The following MYT1 variants were observed in gnomAD, a reference collection of about 807,000 sequenced individuals.
MYT1 encodes the protein myelin transcription factor I.
MYT1 carries 23 observed loss-of-function variants against 123.0 expected under a neutral mutation model. The ratio of observed to expected loss-of-function variants is 0.19; its 90% CI spans 0.13 to 0.26. The LOEUF is 0.26. Ranked by LOEUF, MYT1 falls within the 10% of genes least tolerant of loss-of-function variation. The pLI is 1.00. For synonymous variants in MYT1, 518 were observed against 575.3 expected, an observed-to-expected ratio of 0.90 and a Z score of 1.43; for missense variants, 1,125 against 1,472.5, an observed-to-expected ratio of 0.76 and a Z score of 3.86.
rs1982934721 is a variant in MYT1, at chr20:64,190,519, CA to C, written c.-1+364del. On this transcript the variant is annotated intron_variant, in intron 2 of 22. Coordinates refer to ENST00000328439, the MANE Select transcript of MYT1 (RefSeq NM_004535.3). This position sits in a 1 kb window ranked among gnomAD's most constrained non-coding sequence, Gnocchi z 4.1. ...TGAAACCCCGTCTTTACTAAAAACA[CA>C]AAAATTAGCCGGGCATGGTGGCATG... is the stretch of plus-strand genomic sequence containing the variant. Among the ~76,000 whole-genome samples, 1 of 149,602 alleles carries C rather than the reference CA, an allele frequency of 6.7e-6. No homozygotes were observed. The highest frequency in any genetic ancestry group is 1.5e-5 in the Non-Finnish European group (1 of 67,632).
At position 64,167,282 on chromosome 20, in the gene MYT1, T is replaced by C. The variant is rs1302302298; in HGVS notation, c.-99+2543T>C. 6.6e-6 allele frequency among the ~76,000 whole-genome samples: 1 copy of C among 151,972 alleles called. No individual in the cohort carries two copies. The highest frequency in any genetic ancestry group is 1.5e-5 in the Non-Finnish European group (1 of 67,980). ...TGCTCGGTGGCAGTGGGCGGGCTGG[T>C]GGGGGCTGAGCTCTTCCTGGACGGA... On this transcript the variant is annotated intron_variant, in intron 1 of 22. Transcript: ENST00000328439. The surrounding 1 kb of genome is among the most constrained non-coding windows in gnomAD (Gnocchi z 6.3).
chr20:64,231,626 C>T lies in MYT1; in HGVS notation c.2676-538C>T, dbSNP rs1449125818. 1.3e-5 allele frequency among the ~76,000 whole-genome samples: 2 copies of T among 152,224 alleles called. No individual in the cohort carries two copies. The highest frequency in any genetic ancestry group is 1.9e-4 in the East Asian group (1 of 5,192). Reference sequence around the variant, plus strand: ...GCTGCAACATCTATGGGCATTGCCCCCTGATTGCACTGGCCTCAGTCTGGG... The same window carrying T: ...GCTGCAACATCTATGGGCATTGCCCTCTGATTGCACTGGCCTCAGTCTGGG... On this transcript the variant is annotated intron_variant, in intron 18 of 22. Coordinates refer to ENST00000328439, the MANE Select transcript of MYT1 (RefSeq NM_004535.3). The surrounding 1 kb of genome is among the most constrained non-coding windows in gnomAD (Gnocchi z 6.4).
intron 1 of MYT1, among the ~76,000 whole-genome samples, chr20:64,180,263 T>G (rs530538347): frequency 6.6e-6 from 1 of 152,328 alleles, no homozygotes; most frequent in East Asian, 1.9e-4. Context: ...TAGGTCTGTA[T>G]TTACTTCTCC....
chr20:64,166,415 G>T lies in MYT1; in HGVS notation c.-99+1676G>T, dbSNP rs1040050785. Among the ~76,000 whole-genome samples, 1 of 152,160 alleles carries T rather than the reference G, an allele frequency of 6.6e-6. No individual in the cohort carries two copies. The highest frequency in any genetic ancestry group is 1.9e-4 in the East Asian group (1 of 5,180). ...TGGACGTTTGCCGAACTTCCCAGGG[G>T]TACTTGCTGATCCAGGAGCTTGAGC... On this transcript the variant is annotated intron_variant, in intron 1 of 22. Coordinates refer to ENST00000328439, the MANE Select transcript of MYT1 (RefSeq NM_004535.3). The surrounding 1 kb of genome is among the most constrained non-coding windows in gnomAD (Gnocchi z 4.9).
chr20:64,204,295 GAAC>G (rs1231595288), intron 4 of MYT1, among the ~76,000 whole-genome samples: 2 of 152,190 alleles, frequency 1.3e-5, no homozygotes, highest in Non-Finnish European at 2.9e-5. Flanking sequence ...TAAGGAAGAG[GAAC>G]TCCTGGGTGT....
intron 1 of MYT1, among the ~76,000 whole-genome samples, chr20:64,176,234 C>T (rs1191602381): frequency 7.3e-5 from 3 of 41,208 alleles, no homozygotes; most frequent in Non-Finnish European, 9.6e-5. Flanking sequence ...TCTCCTCCTG[C>T]AGCATCTTTC....
chr20:64,208,031 G>T lies in MYT1; in HGVS notation c.835G>T (p.Glu279Ter). 6.2e-7 allele frequency: 1 copy of T among 1,601,296 alleles called. No homozygotes were observed. Among genetic ancestry groups the T allele is most frequent in the Non-Finnish European group, 8.5e-7 (1 of 1,174,348 alleles). Reference sequence around the variant, plus strand: ...GGAGGAGGAGGATGAAGAAGAGGAAGAGGAAGAGGAGGAGGAAGAGGAAGA... The same window carrying T: ...GGAGGAGGAGGATGAAGAAGAGGAATAGGAAGAGGAGGAGGAAGAGGAAGA... ...EEEEEDEEEE[E>*]EEEEEEEEEE... Residue 279 changes from glutamate to a stop codon, truncating the protein, a stop_gained, in exon 7 of 23, where the codon GAG (glutamate) becomes TAG (stop). Transcript: ENST00000328439. LOFTEE classifies it high-confidence loss of function. The surrounding 1 kb of genome is among the most constrained non-coding windows in gnomAD (Gnocchi z 5.4).
intron 1 of MYT1, among the ~76,000 whole-genome samples, chr20:64,183,048 C>T (rs1367350849): frequency 6.6e-6 from 1 of 152,222 alleles, no homozygotes; most frequent in African/African-American, 2.4e-5. Context: ...TCTCCATTTT[C>T]TCCTCCACCA....
intron 1 of MYT1, among the ~76,000 whole-genome samples, chr20:64,173,030 C>T (rs1198314511): frequency 6.6e-6 from 1 of 152,116 alleles, no homozygotes; most frequent in Non-Finnish European, 1.5e-5. Context: ...TTCCTGGCCT[C>T]ATACCCTCTT....
rs1219544322 is a variant in MYT1, at chr20:64,203,188, A to G, written c.87-1847A>G. On this transcript the variant is annotated intron_variant, in intron 4 of 22. Transcript: ENST00000328439. This position sits in a 1 kb window ranked among gnomAD's most constrained non-coding sequence, Gnocchi z 5.1. The stretch of plus-strand genomic sequence containing the variant: ...AAGGTGCAGGCCCACCTTCCTGGGG[A>G]CCAGGACTCTTCTGAGCTGAGGGTG... Among the ~76,000 whole-genome samples the G allele has an allele frequency of 6.6e-6, 1 of 152,076 alleles. No homozygotes were observed. Among genetic ancestry groups the G allele is most frequent in the African/African-American group, 2.4e-5 (1 of 41,422 alleles).
At chr20:64,237,043 C>T (rs1246589225) in intron 20 of MYT1, among the ~76,000 whole-genome samples, 1 of 152,192 alleles carries the variant, frequency 6.6e-6, no homozygotes, top group East Asian at 1.9e-4. Context: ...GAGATTTAAG[C>T]CTTTCCACCT....
chr20:64,198,968 G>A (rs373557692), intron 3 of MYT1, 52 bp downstream of exon 3: 25 of 1,596,838 alleles, frequency 1.6e-5, no homozygotes, highest in Admixed American at 3.3e-5. Flanking sequence ...TTTCCTCCGC[G>A]GTCTTCCTCA....
At chr20:64,225,425 C>G (rs1810581) in intron 16 of MYT1, among the ~76,000 whole-genome samples, 42,342 of 152,166 alleles carry the variant, frequency 0.28, 6,920 homozygotes, top group East Asian at 0.81. Context: ...CTCTTCCCTC[C>G]CATGTGTCTG....
intron 3 of MYT1, 145 bp downstream of exon 3, chr20:64,199,061 C>G: frequency 4.7e-6 from 4 of 846,230 alleles, no homozygotes; most frequent in Non-Finnish European, 5.4e-6. Flanking sequence ...CTCAGGGCTG[C>G]TGAGCTTTGA....
At chr20:64,210,546 T>C (rs6062664) in intron 7 of MYT1, among the ~76,000 whole-genome samples, 20,152 of 152,212 alleles carry the variant, frequency 0.13, 1,389 homozygotes, top group South Asian at 0.17. Context: ...GGGACCCTCC[T>C]GCTCTGAGGT....
At position 64,194,751 on chromosome 20, in the gene MYT1, TG is replaced by T. The variant is rs1245726901; in HGVS notation, c.1-4106del. 8.5e-5 allele frequency among the ~76,000 whole-genome samples: 13 copies of T among 152,246 alleles called. No individual in the cohort carries two copies. In the South Asian group the frequency reaches 2.5e-3, roughly 29 times the overall value. On this transcript the variant is annotated intron_variant, in intron 2 of 22. Coordinates refer to ENST00000328439, the MANE Select transcript of MYT1 (RefSeq NM_004535.3). ...GGAAGGAGTGGGGAGACGCAGCCTC[TG>T]GGGGCAAAGGTGGAAGTTGGCACAA...
In MYT1 at chr20:64,168,533, C is replaced by G. The variant is rs1188876489; in HGVS notation, c.-99+3794C>G. 6.6e-6 allele frequency among the ~76,000 whole-genome samples: 1 copy of G among 152,216 alleles called. No homozygotes were observed. The highest frequency in any genetic ancestry group is 1.5e-5 in the Non-Finnish European group (1 of 68,044). On this transcript the variant is annotated intron_variant, in intron 1 of 22. Coordinates refer to ENST00000328439, the MANE Select transcript of MYT1 (RefSeq NM_004535.3). This position sits in a 1 kb window ranked among gnomAD's most constrained non-coding sequence, Gnocchi z 6.1. ...CCTTGGCCAGGATTGGAGTCCAGGC[C>G]TTGCAGAGGAGAGAGGATGTCGACA... is the stretch of plus-strand genomic sequence containing the variant.
rs1983571354 is a variant in MYT1 at position 64,208,554 on chromosome 20, C to T, written c.1291+67C>T. 2.6e-6 allele frequency: 4 copies of T among 1,511,490 alleles called. No individual in the cohort carries two copies. Among genetic ancestry groups the T allele is most frequent in the African/African-American group, 2.8e-5 (2 of 72,058 alleles). 93.6% of individuals were successfully genotyped at this position (1,511,490 alleles called of 1,614,324 possible). On this transcript the variant is annotated intron_variant, in intron 7 of 22. Transcript: ENST00000328439. This position sits in a 1 kb window ranked among gnomAD's most constrained non-coding sequence, Gnocchi z 5.4. ...CACCCCTGCCCCAGGTGTGCAGATG[C>T]AGGCTGAGAGCCCTTCTAGGACAGG...
At chr20:64,206,769 C>T (rs1260250589) in intron 6 of MYT1, among the ~76,000 whole-genome samples, 1 of 152,238 alleles carries the variant, frequency 6.6e-6, no homozygotes, top group Admixed American at 6.5e-5. Flanking sequence ...GTTCAGCTGT[C>T]AACCTGGGCT....
Sources: gnomAD v4.1 joint callset for allele counts (sites outside exome capture counted in the v4.1 genomes callset) on GRCh38, gnomAD v4.1.1 for gene constraint, Gnocchi (gnomAD v3.1) non-coding constraint, MANE v1.5 for transcripts, NCBI Gene and HGNC (gene_info 2026-07-23, HGNC 2026-07-21) for gene names.